Variants in HIRA observed in about 807,000 individuals in gnomAD.
HIRA encodes the protein protein HIRA.
A neutral mutation model predicts 126.6 loss-of-function variants in HIRA; 13 were observed. The observed-to-expected ratio is 0.10, with a 90% CI of 0.07 to 0.16. HIRA has a LOEUF of 0.16. HIRA is among the 10% of genes least tolerant of loss of function. The pLI is 1.00. For synonymous variants in HIRA, 511 were observed against 520.0 expected (o/e 0.98, Z 0.24); for missense variants, 834 against 1,314.4 (o/e 0.63, Z 5.65).
Position 19,351,435 on chromosome 22 carries a change from G to A in HIRA, c.2860C>T (p.Arg954Ter). Residue 954 changes from arginine (R) to a stop codon, truncating the protein, a stop_gained, in exon 24 of 25, where the codon CGA (arginine) becomes TGA (stop). Transcript: ENST00000263208. LOFTEE classifies it high-confidence loss of function. This position sits in a 1 kb window ranked among gnomAD's most constrained non-coding sequence, Gnocchi z 4.8. ...AAGTCCTTGCATATTTCTCGAAGTC[G>A]GTATTCAAACCCTAATTACAGAAAA... The part of the protein sequence containing the change: ...RYLVNEGFEY[R>*]LREICKDLLG... 6.2e-7 allele frequency: 1 copy of A among 1,612,256 alleles called. No individual in the cohort carries two copies. Among genetic ancestry groups the A allele is most frequent in the Non-Finnish European group, 8.5e-7 (1 of 1,179,084 alleles).
chr22:19,429,187 G>C (rs900275183), intron 1 of HIRA, among the ~76,000 whole-genome samples: 4 of 135,696 alleles, frequency 2.9e-5, no homozygotes, highest in African/African-American at 1.1e-4. Flanking sequence ...CATCAGGCTG[G>C]AGTGCAGTGG....
chr22:19,337,611 T>C (rs2088580894), intron 24 of HIRA, among the ~76,000 whole-genome samples: 1 of 152,128 alleles, frequency 6.6e-6, no homozygotes, highest in South Asian at 2.1e-4. Context: ...GAGGAAAGCT[T>C]CCCTGACCTT....
intron 1 of HIRA, among the ~76,000 whole-genome samples, chr22:19,417,071 G>C (rs2089404187): frequency 6.6e-6 from 1 of 151,854 alleles, no homozygotes; most frequent in African/African-American, 2.4e-5. Flanking sequence ...GTGGTGGTGG[G>C]TGCCTGTAGT....
intron 15 of HIRA, among the ~76,000 whole-genome samples, chr22:19,363,275 GT>G (rs1201930265): frequency 2.0e-5 from 3 of 151,450 alleles, no homozygotes; most frequent in African/African-American, 4.9e-5. Flanking sequence ...ATGGGTTTAT[GT>G]TTTTAAAAAT....
intron 1 of HIRA, among the ~76,000 whole-genome samples, chr22:19,421,703 G>C (rs1180753262): frequency 6.6e-6 from 1 of 151,908 alleles, no homozygotes; most frequent in African/African-American, 2.4e-5. Context: ...ATGGAGTCTT[G>C]CTCTGTCACC....
intron 9 of HIRA, among the ~76,000 whole-genome samples, chr22:19,390,689 C>T (rs1360327436): frequency 6.0e-5 from 9 of 149,366 alleles, no homozygotes; most frequent in African/African-American, 2.0e-4. Context: ...AGGCTCACAA[C>T]CTTACCCATC....
chr22:19,383,778 CTCT>C, intron 12 of HIRA, 73 bp from the exon 13 acceptor site: 1 of 1,189,554 alleles, frequency 8.4e-7, no homozygotes, highest in South Asian at 1.3e-5. Context: ...AAAATAAAGT[CTCT>C]TTTTTTCCTG....
intron 15 of HIRA, among the ~76,000 whole-genome samples, chr22:19,363,151 T>G (rs983724463): frequency 1.3e-5 from 2 of 151,380 alleles, no homozygotes; most frequent in African/African-American, 4.9e-5. Flanking sequence ...GGGCAATTGC[T>G]TGAACCCAGG....
chr22:19,338,836 A>T (rs1477862925), intron 24 of HIRA, among the ~76,000 whole-genome samples: 12 of 152,242 alleles, frequency 7.9e-5, no homozygotes, highest in African/African-American at 2.7e-4. Context: ...TACTCAACGT[A>T]AGAAATGAGA....
In HIRA at chr22:19,382,679, A is replaced by C. The variant is rs149927295; in HGVS notation, c.1415+941T>G. ...CCATGAAGGGCTTACAAATGCCCTG[A>C]GCAGATAGACGGAATGAGAATAAAA... On this transcript the variant is annotated intron_variant, in intron 13 of 24. Transcript: ENST00000263208. Among the ~76,000 whole-genome samples, 10 of 152,272 alleles carry C rather than the reference A, an allele frequency of 6.6e-5. No homozygotes were observed. The East Asian group carries it at 1.9e-3, about 29-fold the overall frequency.
intron 19 of HIRA, 38 bp downstream of exon 19, chr22:19,356,852 C>G (rs1556012690): frequency 6.2e-7 from 1 of 1,606,686 alleles, no homozygotes; most frequent in South Asian, 1.1e-5. Flanking sequence ...CTGTCCTGCC[C>G]TGGCTGAAGC....
chr22:19,349,167 G>A (rs540513802), intron 24 of HIRA, among the ~76,000 whole-genome samples: 3 of 151,526 alleles, frequency 2.0e-5, no homozygotes, highest in African/African-American at 7.3e-5. Context: ...GTGCAGTGGT[G>A]TGATCTTGGC....
At chr22:19,375,508 T>A (rs1285581848) in intron 15 of HIRA, 123 bp downstream of exon 15, 1 of 993,370 alleles carries the variant, frequency 1.0e-6, no homozygotes. Context: ...CTCCCATGTA[T>A]TGAGTGGCTA....
At chr22:19,411,684 T>A (rs1193548106) in intron 1 of HIRA, among the ~76,000 whole-genome samples, 1 of 152,222 alleles carries the variant, frequency 6.6e-6, no homozygotes, top group Non-Finnish European at 1.5e-5. Context: ...GATCTGAGCA[T>A]CAACAATTGC....
At chr22:19,423,114 A>C (rs982963515) in intron 1 of HIRA, among the ~76,000 whole-genome samples, 1 of 152,090 alleles carries the variant, frequency 6.6e-6, no homozygotes, top group Non-Finnish European at 1.5e-5. Flanking sequence ...GCATGCAAAA[A>C]TCTGCAGCTC....
chr22:19,403,788 T>C (rs1351587096), intron 5 of HIRA, among the ~76,000 whole-genome samples: 3 of 152,204 alleles, frequency 2.0e-5, no homozygotes, highest in African/African-American at 7.2e-5. Flanking sequence ...CTTTCAATTA[T>C]AAATATTGCT....
intron 11 of HIRA, among the ~76,000 whole-genome samples, chr22:19,386,538 G>A (rs928799509): frequency 5.9e-5 from 9 of 152,232 alleles, no homozygotes; most frequent in Admixed American, 2.0e-4. Flanking sequence ...GGTGCCTTGG[G>A]ACCTGCTCCT....
At chr22:19,390,022 C>T (rs2089163770) in intron 9 of HIRA, among the ~76,000 whole-genome samples, 2 of 151,712 alleles carry the variant, frequency 1.3e-5, no homozygotes, top group African/African-American at 4.8e-5. Flanking sequence ...AATGTGTGTG[C>T]ACTTTGCTTT....
At chr22:19,376,856 T>C (rs1323203843) in intron 14 of HIRA, among the ~76,000 whole-genome samples, 1 of 152,164 alleles carries the variant, frequency 6.6e-6, no homozygotes, top group Non-Finnish European at 1.5e-5. Flanking sequence ...ATTCCACCAA[T>C]GGAGAATCGC....
Sources: gnomAD v4.1 joint callset for allele counts (sites outside exome capture counted in the v4.1 genomes callset) on GRCh38, gnomAD v4.1.1 for gene constraint, Gnocchi (gnomAD v3.1) non-coding constraint, MANE v1.5 for transcripts, NCBI Gene and HGNC (gene_info 2026-07-23, HGNC 2026-07-21) for gene names.